Variants in SP100 observed in about 807,000 individuals in gnomAD.
The protein encoded by SP100 is SP100 nuclear body protein.
Under a neutral mutation model 130.0 loss-of-function variants are expected in SP100, and 84 were observed. The ratio of observed to expected loss-of-function variants is 0.65; its 90% CI spans 0.54 to 0.77. SP100 has a LOEUF of 0.77. Among genes scored for constraint, SP100 ranks in the 30% least tolerant of loss-of-function variants. The pLI, the probability that SP100 is intolerant of heterozygous loss-of-function variation, is 0.00. For synonymous variants in SP100, 331 were observed against 351.7 expected, an observed-to-expected ratio of 0.94 and a Z score of 0.66; for missense variants, 978 against 1,052.2, an observed-to-expected ratio of 0.93 and a Z score of 0.97.
intron 21 of SP100, among the ~76,000 whole-genome samples, chr2:230,505,401 C>T (rs1344862659): frequency 6.6e-6 from 1 of 152,134 alleles, no homozygotes; most frequent in African/African-American, 2.4e-5. Context: ...TAGCCTTCTG[C>T]TAAATGGTAA....
At chr2:230,502,136 G>A (rs1472639904) in intron 19 of SP100, among the ~76,000 whole-genome samples, 1 of 151,672 alleles carries the variant, frequency 6.6e-6, no homozygotes, top group Non-Finnish European at 1.5e-5. Flanking sequence ...ATCCACCTTG[G>A]CCTCCCAAAG....
intron 24 of SP100, among the ~76,000 whole-genome samples, chr2:230,523,051 A>C (rs1282203853): frequency 6.6e-6 from 1 of 151,518 alleles, no homozygotes; most frequent in Non-Finnish European, 1.5e-5. Context: ...CCGATCTCAA[A>C]TGATCCACCT....
chr2:230,424,238 G>A (rs1329240290), intron 2 of SP100, among the ~76,000 whole-genome samples: 1 of 152,182 alleles, frequency 6.6e-6, no homozygotes, highest in African/African-American at 2.4e-5. Context: ...ACAGAAGATT[G>A]ATTGCAGAGC....
chr2:230,471,278 G>A (rs929708917), intron 15 of SP100, among the ~76,000 whole-genome samples: 3 of 152,156 alleles, frequency 2.0e-5, no homozygotes, highest in African/African-American at 7.2e-5. Context: ...GAAGGAGAAC[G>A]AAGTGTGGCC....
chr2:230,421,320 A>G (rs2062761081), intron 2 of SP100, among the ~76,000 whole-genome samples: 1 of 152,122 alleles, frequency 6.6e-6, no homozygotes, highest in African/African-American at 2.4e-5. Flanking sequence ...GGAATTATCC[A>G]TTCCCCTGAT....
chr2:230,482,708 A>ATATC (rs1371502634), intron 17 of SP100, among the ~76,000 whole-genome samples: 1 of 151,766 alleles, frequency 6.6e-6, no homozygotes, highest in Non-Finnish European at 1.5e-5. Flanking sequence ...ATATATATAT[A>ATATC]TATAGGGTTT....
At chr2:230,435,978 A>G (rs2063252596) in intron 2 of SP100, among the ~76,000 whole-genome samples, 2 of 150,728 alleles carry the variant, frequency 1.3e-5, no homozygotes, top group Admixed American at 1.3e-4. Flanking sequence ...GCTGGAGGCC[A>G]TTATCCTTAG....
intron 26 of SP100, 24 bp downstream of exon 26, chr2:230,541,020 G>A: frequency 1.4e-5 from 22 of 1,597,084 alleles, no homozygotes; most frequent in Non-Finnish European, 1.7e-5. Context: ...TGAACCTGAA[G>A]CCTCTTCCTT....
intron 2 of SP100, among the ~76,000 whole-genome samples, chr2:230,427,693 A>C (rs1191739660): frequency 6.6e-6 from 1 of 150,490 alleles, no homozygotes; most frequent in African/African-American, 2.5e-5. Flanking sequence ...ATATACTTTG[A>C]TTCCTTTCTC....
intron 2 of SP100, among the ~76,000 whole-genome samples, chr2:230,436,027 G>C (rs1019773899): frequency 6.6e-6 from 1 of 151,910 alleles, no homozygotes; most frequent in African/African-American, 2.4e-5. Context: ...TTTCAATGGG[G>C]TTCCAGGTTG....
chr2:230,525,637 G>T (rs1413826197), intron 24 of SP100, among the ~76,000 whole-genome samples: 5 of 152,158 alleles, frequency 3.3e-5, no homozygotes, highest in Non-Finnish European at 5.9e-5. Flanking sequence ...CACAAGGGGT[G>T]GGGGGATTTC....
chr2:230,500,707 T>A (rs1300096276), intron 19 of SP100, among the ~76,000 whole-genome samples: 1 of 152,114 alleles, frequency 6.6e-6, no homozygotes, highest in Non-Finnish European at 1.5e-5. Context: ...CCAGTTTTCC[T>A]GGGTGCACCT....
intron 24 of SP100, among the ~76,000 whole-genome samples, chr2:230,512,488 T>C (rs1690673167): frequency 6.6e-6 from 1 of 151,280 alleles, no homozygotes; most frequent in Non-Finnish European, 1.5e-5. Context: ...CAGGGTTTTG[T>C]CATGCTGATC....
At chr2:230,515,253 C>T (rs1239827252) in intron 24 of SP100, 6 of 1,613,080 alleles carry the variant, frequency 3.7e-6, no homozygotes, top group Non-Finnish European at 5.1e-6. Context: ...AAATGAAAAC[C>T]TATATCCCTC....
At position 230,417,551 on chromosome 2, in the gene SP100, G is replaced by A. The variant is rs75077493; in HGVS notation, c.33-40G>A. On this transcript the variant is annotated intron_variant, in intron 1 of 28. Coordinates refer to ENST00000340126, the MANE Select transcript of SP100 (RefSeq NM_001080391.2). ...AAAAATGTAATTATTGAGGCAAAGG[G>A]TCCAGTTATTTACTTGGTCCTGCCA... 2,525 of 1,599,620 alleles carry A rather than the reference G, an allele frequency of 1.6e-3. 47 individuals carry two copies. In the African/African-American group the frequency reaches 0.031, roughly 20 times the overall value.
In SP100 at chr2:230,545,396, AT is replaced by A. The variant is rs1343437066; in HGVS notation, c.*2451del. On this transcript the variant is annotated 3_prime_UTR_variant, in exon 29 of 29. Transcript: ENST00000340126. Reference sequence around the variant, plus strand: ...TAAATGATGAGAACTCATGAACACAATGAAGGGAACAGACACTAGGGTCTAC... The same window carrying A: ...TAAATGATGAGAACTCATGAACACAAGAAGGGAACAGACACTAGGGTCTAC... Among the ~76,000 whole-genome samples the A allele has an allele frequency of 6.6e-6, 1 of 152,146 alleles. No individual in the cohort carries two copies. The highest frequency in any genetic ancestry group is 2.4e-5 in the African/African-American group (1 of 41,434).
At chr2:230,531,426 A>AG (rs1307482386) in intron 24 of SP100, among the ~76,000 whole-genome samples, 1 of 121,624 alleles carries the variant, frequency 8.2e-6, no homozygotes, top group Non-Finnish European at 1.7e-5. Context: ...TGGGGGGTTG[A>AG]GGGGCTGGGG....
intron 17 of SP100, among the ~76,000 whole-genome samples, chr2:230,487,515 T>G (rs1344770597): frequency 6.6e-6 from 1 of 152,232 alleles, no homozygotes; most frequent in Non-Finnish European, 1.5e-5. Flanking sequence ...GTCTCTGTTC[T>G]GTTCCATTGG....
intron 24 of SP100, among the ~76,000 whole-genome samples, chr2:230,511,478 G>A (rs569519653): frequency 7.9e-5 from 12 of 152,306 alleles, no homozygotes; most frequent in African/African-American, 2.2e-4. Flanking sequence ...CTGGCCTGCC[G>A]ATTAGGGAGA....
Sources: allele counts gnomAD v4.1 joint callset (sites outside exome capture counted in the v4.1 genomes callset), GRCh38; gene constraint gnomAD v4.1.1; transcripts MANE v1.5; gene names NCBI Gene and HGNC (gene_info 2026-07-23, HGNC 2026-07-21).